Variants in WDPCP observed in about 807,000 individuals in gnomAD.
WDPCP encodes WD repeat containing planar cell polarity effector.
A neutral mutation model predicts 93.1 loss-of-function variants in WDPCP; 71 were observed. That is an observed-to-expected ratio of 0.76 (90% CI 0.63 to 0.93). The LOEUF (loss-of-function observed/expected upper bound fraction) is 0.93. WDPCP is among the 40% of genes least tolerant of loss of function. The probability of loss-of-function intolerance (pLI) is 0.00; values close to 1 mark genes in which losing one functional copy is unlikely to be tolerated. For synonymous variants in WDPCP, 315 were observed against 315.0 expected, an observed-to-expected ratio of 1.00 and a Z score of 0.00; for missense variants, 844 against 887.4, an observed-to-expected ratio of 0.95 and a Z score of 0.62.
intron 17 of WDPCP, among the ~76,000 whole-genome samples, chr2:63,129,485 C>T (rs538821574): frequency 6.6e-6 from 1 of 152,262 alleles, no homozygotes; most frequent in Admixed American, 6.5e-5. Context: ...GCTTCTCAGC[C>T]TTTTGGCTAA....
chr2:63,704,272 C>G (rs1449508481), intron 2 of WDPCP, among the ~76,000 whole-genome samples: 10 of 152,104 alleles, frequency 6.6e-5, no homozygotes, highest in Non-Finnish European at 1.2e-4. Context: ...TCCTCTTTTC[C>G]TAATTGAATG....
intron 13 of WDPCP, among the ~76,000 whole-genome samples, chr2:63,305,154 C>T (rs930650713): frequency 6.6e-5 from 10 of 152,150 alleles, no homozygotes; most frequent in Admixed American, 5.2e-4. Flanking sequence ...GGGGAAAGGG[C>T]GACTTTGGGC....
intron 1 of WDPCP, among the ~76,000 whole-genome samples, chr2:63,575,851 T>C (rs1041054352): frequency 2.0e-5 from 3 of 152,078 alleles, no homozygotes; most frequent in African/African-American, 7.2e-5. Flanking sequence ...ATTTAGAATA[T>C]GAATCCAGTA....
chr2:63,367,359 C>G, intron 12 of WDPCP, among the ~76,000 whole-genome samples: 1 of 151,994 alleles, frequency 6.6e-6, no homozygotes, highest in South Asian at 2.1e-4. Flanking sequence ...AAAATAGTGA[C>G]AGGAATATAT....
At chr2:63,554,760 T>A (rs1047324101) in intron 1 of WDPCP, among the ~76,000 whole-genome samples, 7 of 152,206 alleles carry the variant, frequency 4.6e-5, no homozygotes, top group Non-Finnish European at 1.0e-4. Flanking sequence ...AAAATGGTGA[T>A]TGAGTCCTGA....
At chr2:63,216,251 T>C (rs1677326626) in intron 14 of WDPCP, among the ~76,000 whole-genome samples, 1 of 152,198 alleles carries the variant, frequency 6.6e-6, no homozygotes. Context: ...TAAAGACACA[T>C]GCACACGTAT....
chr2:63,444,551 G>A (rs1697720551), intron 6 of WDPCP, among the ~76,000 whole-genome samples: 1 of 152,066 alleles, frequency 6.6e-6, no homozygotes, highest in Admixed American at 6.6e-5. Flanking sequence ...GATTTGGTAG[G>A]ACAAAAAGGA....
intron 1 of WDPCP, among the ~76,000 whole-genome samples, chr2:63,827,084 T>TA (rs1246847236): frequency 7.0e-6 from 1 of 143,694 alleles, no homozygotes; most frequent in Non-Finnish European, 1.5e-5. Flanking sequence ...AAAGACTCCC[T>TA]AGTGAACAAA....
At chr2:63,219,568 A>C (rs964948375) in intron 14 of WDPCP, among the ~76,000 whole-genome samples, 2 of 152,240 alleles carry the variant, frequency 1.3e-5, no homozygotes, top group Admixed American at 1.3e-4. Flanking sequence ...ATAAAAACTT[A>C]ATATTTTAAC....
intron 1 of WDPCP, among the ~76,000 whole-genome samples, chr2:63,559,953 A>G (rs2106405807): frequency 6.6e-6 from 1 of 152,304 alleles, no homozygotes; most frequent in Non-Finnish European, 1.5e-5. Context: ...ATATGGGGCC[A>G]GGCATGGTGG....
chr2:63,801,550 GC>G (rs1670695125), intron 2 of WDPCP, among the ~76,000 whole-genome samples: 1 of 152,040 alleles, frequency 6.6e-6, no homozygotes, highest in African/African-American at 2.4e-5. Flanking sequence ...ATTTGTCCCC[GC>G]CCATGTTCCA....
chr2:63,655,392 T>C (rs1341494044), intron 2 of WDPCP, among the ~76,000 whole-genome samples: 3 of 151,836 alleles, frequency 2.0e-5, no homozygotes, highest in African/African-American at 7.3e-5. Context: ...CATATATACA[T>C]GCTACATATG....
At chr2:63,372,428 T>G (rs750662305) in intron 12 of WDPCP, among the ~76,000 whole-genome samples, 1 of 152,218 alleles carries the variant, frequency 6.6e-6, no homozygotes, top group Non-Finnish European at 1.5e-5. Context: ...GTGCTTGGCA[T>G]GTAGTACTCA....
intron 2 of WDPCP, among the ~76,000 whole-genome samples, chr2:63,687,241 T>G (rs1668818791): frequency 6.6e-6 from 1 of 152,178 alleles, no homozygotes; most frequent in Non-Finnish European, 1.5e-5. Flanking sequence ...AAGAAAACAT[T>G]GAGGAAACTC....
chr2:63,436,843 T>A (rs980848855), intron 8 of WDPCP, among the ~76,000 whole-genome samples: 2 of 152,082 alleles, frequency 1.3e-5, no homozygotes, highest in Non-Finnish European at 2.9e-5. Context: ...TCTGCCTTAA[T>A]AGATGTAAAG....
At chr2:63,467,259 C>G (rs557443146) in intron 6 of WDPCP, among the ~76,000 whole-genome samples, 1 of 152,202 alleles carries the variant, frequency 6.6e-6, no homozygotes, top group African/African-American at 2.4e-5. Context: ...GTGGACAGAT[C>G]ACCTGAGGTC....
At chr2:63,137,021 A>G (rs977555442) in intron 17 of WDPCP, among the ~76,000 whole-genome samples, 1 of 152,142 alleles carries the variant, frequency 6.6e-6, no homozygotes, top group Non-Finnish European at 1.5e-5. Flanking sequence ...CAATGAACAT[A>G]TGCATGCATG....
rs1461743961 is a variant in WDPCP at position 63,588,282 on chromosome 2, T to C, written c.-11A>G. ...AAACTCTCGCCTCATCACCAGACAC[T>C]ACCCCGGGCAGAAGGTTCCTAGGCT... On this transcript the variant is annotated 5_prime_UTR_variant, in exon 1 of 18. Coordinates refer to ENST00000272321, the MANE Select transcript of WDPCP (RefSeq NM_015910.7). The C allele has an allele frequency of 6.4e-7, 1 of 1,569,582 alleles. No individual in the cohort carries two copies. Among genetic ancestry groups the C allele is most frequent in the Non-Finnish European group, 8.7e-7 (1 of 1,154,990 alleles).
At chr2:63,398,838 G>A (rs1693944027) in intron 10 of WDPCP, among the ~76,000 whole-genome samples, 1 of 151,818 alleles carries the variant, frequency 6.6e-6, no homozygotes, top group Non-Finnish European at 1.5e-5. Context: ...TATATATGCA[G>A]TAACTTGAAT....
Sources: allele counts gnomAD v4.1 joint callset (sites outside exome capture counted in the v4.1 genomes callset), GRCh38; gene constraint gnomAD v4.1.1; transcripts MANE v1.5; gene names NCBI Gene and HGNC (gene_info 2026-07-23, HGNC 2026-07-21).